The following MSH5 variants were observed in gnomAD, a reference collection of about 807,000 sequenced individuals.
The protein encoded by MSH5 is mutS protein homolog 5.
In MSH5, 78 loss-of-function variants were observed where a neutral mutation model predicts 107.7. The observed-to-expected ratio is 0.72, with a 90% CI of 0.60 to 0.87. MSH5 has a LOEUF of 0.87. Ranked by LOEUF, MSH5 falls within the 40% of genes least tolerant of loss-of-function variation. The pLI, the probability that MSH5 is intolerant of heterozygous loss-of-function variation, is 0.00. For synonymous variants in MSH5, 326 were observed against 399.5 expected (o/e 0.82, Z 2.19); for missense variants, 889 against 1,046.6 (o/e 0.85, Z 2.08).
Position 31,740,921 on chromosome 6 carries a change from A to G in MSH5, c.148-242A>G, listed in dbSNP as rs1407355882. 6.6e-6 allele frequency among the ~76,000 whole-genome samples: 1 copy of G among 151,988 alleles called. No homozygotes were observed. The highest frequency in any genetic ancestry group is 1.5e-5 in the Non-Finnish European group (1 of 67,972). On this transcript the variant is annotated intron_variant, in intron 2 of 24. Transcript: ENST00000375750. This position sits in a 1 kb window ranked among gnomAD's most constrained non-coding sequence, Gnocchi z 4.4. ...GGTTGCAATGAGCTGAGATTGCTCC[A>G]CTGCACTTCAGCCTGGGCGACAGAG...
chr6:31,746,100 G>GTGTGTGTA (rs1554205323), intron 9 of MSH5: 1 of 148,994 alleles, frequency 6.7e-6, no homozygotes, highest in Non-Finnish European at 1.5e-5. Flanking sequence ...GTGTGTGTGT[G>GTGTGTGTA]TGTGTGTGTG....
intron 10 of MSH5, 152 bp from the exon 11 acceptor site, chr6:31,753,147 TGG>T: frequency 2.3e-6 from 2 of 879,182 alleles, no homozygotes; most frequent in South Asian, 3.6e-5. Flanking sequence ...CACACCTGAA[TGG>T]GTAGGACACT....
intron 12 of MSH5, 125 bp downstream of exon 12, chr6:31,753,754 A>C: frequency 1.1e-6 from 1 of 889,062 alleles, no homozygotes; most frequent in Non-Finnish European, 1.8e-6. Context: ...TTTTGGAGAC[A>C]GCCTCGCTCT....
chr6:31,749,497 G>T (rs1809764980), intron 10 of MSH5, among the ~76,000 whole-genome samples: 1 of 151,574 alleles, frequency 6.6e-6, no homozygotes, highest in Non-Finnish European at 1.5e-5. Context: ...AGCCCAGATT[G>T]CCCCACTGCA....
chr6:31,753,914 C>G (rs1299086488), intron 12 of MSH5: 1 of 343,328 alleles, frequency 2.9e-6, no homozygotes, highest in Admixed American at 3.7e-5. Context: ...TTAGTAGAGA[C>G]AGGATTTCAC....
At position 31,758,441 on chromosome 6, in the gene MSH5, G is replaced by C; in HGVS notation, c.1144-107G>C. On this transcript the variant is annotated intron_variant, in intron 13 of 24. Transcript: ENST00000375750. The surrounding 1 kb of genome is among the most constrained non-coding windows in gnomAD (Gnocchi z 5.1). ...GCAGCAGAACTTCAGGGAAGTATCT[G>C]GAGGGTGAGAGTTAAAGGAGGACTG... 1 of 1,553,460 alleles carries C rather than the reference G, an allele frequency of 6.4e-7. No individual in the cohort carries two copies. The highest frequency in any genetic ancestry group is 1.1e-5 in the South Asian group (1 of 88,736).
chr6:31,760,743 G>C lies in MSH5; in HGVS notation c.1866G>C (p.Glu622Asp), dbSNP rs775371109. 2 of 1,612,950 alleles carry C rather than the reference G, an allele frequency of 1.2e-6. No individual in the cohort carries two copies. The highest frequency in any genetic ancestry group is 1.7e-6 in the Non-Finnish European group (2 of 1,180,060). ...TAGGCAGCTTTGTGCCAGCAGAGGA[G>C]GCCGAAATTGGGGCAGTAGACGCCA... ...ALVGSFVPAEEAEIGAVDAIF... is the reference protein window; with the variant it reads ...ALVGSFVPAEDAEIGAVDAIF... Residue 622 changes from glutamate (E) to aspartate (D), a missense_variant, in exon 20 of 25, where the codon GAG (glutamate) becomes GAC (aspartate). By Grantham distance (45) the Glu-to-Asp change is conservative. This residue lies in a region of MSH5 where 362 missense variants were observed against 456.2 expected (regional missense o/e 0.79). Coordinates refer to ENST00000375750, the MANE Select transcript of MSH5 (RefSeq NM_172166.4). This position sits in a 1 kb window ranked among gnomAD's most constrained non-coding sequence, Gnocchi z 5.6.
At position 31,760,442 on chromosome 6, in the gene MSH5, C is replaced by T. The variant is rs908091480; in HGVS notation, c.1812+226C>T. On this transcript the variant is annotated intron_variant, in intron 19 of 24. Transcript: ENST00000375750. The surrounding 1 kb of genome is among the most constrained non-coding windows in gnomAD (Gnocchi z 5.6). Reference sequence around the variant, plus strand: ...CCGTGGCCCAAATTCCTTCACCTGCCTCTGAGTAGGTACACACCACTCCCA... The same window carrying T: ...CCGTGGCCCAAATTCCTTCACCTGCTTCTGAGTAGGTACACACCACTCCCA... Among the ~76,000 whole-genome samples, 5 of 152,246 alleles carry T rather than the reference C, an allele frequency of 3.3e-5. No homozygotes were observed. Among genetic ancestry groups the T allele is most frequent in the Non-Finnish European group, 5.9e-5 (4 of 68,046 alleles).
chr6:31,744,474 G>T, intron 7 of MSH5, 72 bp from the exon 8 acceptor site: 1 of 1,579,108 alleles, frequency 6.3e-7, no homozygotes, highest in East Asian at 2.2e-5. Context: ...AATATTCAGA[G>T]AGGGGGACAA....
At chr6:31,755,432 G>C (rs541694409) in intron 12 of MSH5, among the ~76,000 whole-genome samples, 1 of 151,032 alleles carries the variant, frequency 6.6e-6, no homozygotes, top group Non-Finnish European at 1.5e-5. Context: ...GTGTGATCTC[G>C]GCTCACCGCA....
In MSH5 at chr6:31,758,150, G is replaced by A; in HGVS notation, c.1015-15G>A. The A allele has an allele frequency of 6.2e-7, 1 of 1,612,560 alleles. No individual in the cohort carries two copies. Among genetic ancestry groups the A allele is most frequent in the Non-Finnish European group, 8.5e-7 (1 of 1,179,856 alleles). ...CTGGATGTGGCCTGTCCTCCTTTTT[G>A]TGTTTCTCTCACAGACTGTGTACAG... On this transcript the variant is annotated splice_polypyrimidine_tract_variant and intron_variant, in intron 12 of 24. Coordinates refer to ENST00000375750, the MANE Select transcript of MSH5 (RefSeq NM_172166.4). This position sits in a 1 kb window ranked among gnomAD's most constrained non-coding sequence, Gnocchi z 5.1.
In MSH5 at chr6:31,740,487, C is replaced by T; in HGVS notation, c.21C>T (p.Asn7=). The stretch of plus-strand genomic sequence containing the variant: ...AGCTCATGGCCTCCTTAGGAGCGAA[C>T]CCAAGGAGGACACCGCAGGGACCGA... The part of the protein sequence containing the change: MASLGA[N]PRRTPQGPRP... Residue 7 remains asparagine (N), a synonymous_variant, in exon 2 of 25, where the codon AAC becomes AAT. Transcript: ENST00000375750. The surrounding 1 kb of genome is among the most constrained non-coding windows in gnomAD (Gnocchi z 4.4). 6.4e-7 allele frequency: 1 copy of T among 1,568,336 alleles called. No individual in the cohort carries two copies. Among genetic ancestry groups the T allele is most frequent in the Non-Finnish European group, 8.6e-7 (1 of 1,156,220 alleles).
chr6:31,758,442 G>C lies in MSH5; in HGVS notation c.1144-106G>C. ...CAGCAGAACTTCAGGGAAGTATCTG[G>C]AGGGTGAGAGTTAAAGGAGGACTGC... On this transcript the variant is annotated intron_variant, in intron 13 of 24. Coordinates refer to ENST00000375750, the MANE Select transcript of MSH5 (RefSeq NM_172166.4). This position sits in a 1 kb window ranked among gnomAD's most constrained non-coding sequence, Gnocchi z 5.1. The C allele has an allele frequency of 6.4e-7, 1 of 1,553,186 alleles. No individual in the cohort carries two copies. Among genetic ancestry groups the C allele is most frequent in the South Asian group, 1.1e-5 (1 of 88,748 alleles).
In MSH5 at chr6:31,759,119, C is replaced by T. The variant is rs1454707671; in HGVS notation, c.1349C>T (p.Pro450Leu). ...CAGATTGGCTTCCTTCTTTCTATTC[C>T]CCGCCTGCCTTCCATGGTAGAGGCC... Reference protein sequence around the residue: ...IPLIGFLLSIPRLPSMVEASD... With the variant: ...IPLIGFLLSILRLPSMVEASD... Residue 450 changes from proline to leucine, a missense_variant, in exon 16 of 25, where the codon CCC becomes CTC. Around this residue, in one of 3 missense-constraint regions of MSH5, gnomAD observed 518 missense variants for 565.0 expected, o/e 0.92. Transcript: ENST00000375750. This position sits in a 1 kb window ranked among gnomAD's most constrained non-coding sequence, Gnocchi z 4.7. 4 of 1,612,828 alleles carry T rather than the reference C, an allele frequency of 2.5e-6. No individual in the cohort carries two copies. Among genetic ancestry groups the T allele is most frequent in the African/African-American group, 2.7e-5 (2 of 74,890 alleles).
chr6:31,760,340 A>G lies in MSH5; in HGVS notation c.1812+124A>G. ...TTCTGACCCCGCTCTTCATGAAAGGACCATCACCCACATCCCTGTGCTTCC... is the reference window on the plus strand; with the variant it reads ...TTCTGACCCCGCTCTTCATGAAAGGGCCATCACCCACATCCCTGTGCTTCC... On this transcript the variant is annotated intron_variant, in intron 19 of 24. Transcript: ENST00000375750. This position sits in a 1 kb window ranked among gnomAD's most constrained non-coding sequence, Gnocchi z 5.6. 2.4e-6 allele frequency: 3 copies of G among 1,268,468 alleles called. No individual in the cohort carries two copies. Among genetic ancestry groups the G allele is most frequent in the Non-Finnish European group, 3.2e-6 (3 of 926,644 alleles). 78.6% of individuals were successfully genotyped at this position (1,268,468 alleles called of 1,614,324 possible).
rs1170251168 is a variant in MSH5, at chr6:31,740,925, C to T, written c.148-238C>T. On this transcript the variant is annotated intron_variant, in intron 2 of 24. Transcript: ENST00000375750. The surrounding 1 kb of genome is among the most constrained non-coding windows in gnomAD (Gnocchi z 4.4). ...GCAATGAGCTGAGATTGCTCCACTG[C>T]ACTTCAGCCTGGGCGACAGAGCAAG... Among the ~76,000 whole-genome samples, 1 of 151,662 alleles carries T rather than the reference C, an allele frequency of 6.6e-6. No homozygotes were observed. Among genetic ancestry groups the T allele is most frequent in the African/African-American group, 2.4e-5 (1 of 41,258 alleles).
At position 31,759,462 on chromosome 6, in the gene MSH5, G is replaced by T; in HGVS notation, c.1445G>T (p.Arg482Leu). 6.2e-7 allele frequency: 1 copy of T among 1,612,698 alleles called. No individual in the cohort carries two copies. The highest frequency in any genetic ancestry group is 8.5e-7 in the Non-Finnish European group (1 of 1,180,002). ...GAGAAGCTGCACTATCGTAGTGCCC[G>T]AACCAAGGAGCTGGATGCATTGCTG... ...SEEKLHYRSA[R>L]TKELDALLGD... The change falls in exon 17 of 25, where the codon CGA (arginine) becomes CTA (leucine). Residue 482 changes from arginine to leucine, a missense_variant. Around this residue, in one of 3 missense-constraint regions of MSH5, gnomAD observed 362 missense variants for 456.2 expected, o/e 0.79. Coordinates refer to ENST00000375750, the MANE Select transcript of MSH5 (RefSeq NM_172166.4). This position sits in a 1 kb window ranked among gnomAD's most constrained non-coding sequence, Gnocchi z 4.7.
At position 31,759,602 on chromosome 6, in the gene MSH5, C is replaced by A; in HGVS notation, c.1495+90C>A. The A allele has an allele frequency of 7.0e-7, 1 of 1,429,130 alleles. No individual in the cohort carries two copies. The highest frequency in any genetic ancestry group is 1.2e-5 in the South Asian group (1 of 84,654). The allele number at this position is 1,429,130 out of a possible 1,614,324, so 88.5% of individuals were successfully genotyped here. On this transcript the variant is annotated intron_variant, in intron 17 of 24. Coordinates refer to ENST00000375750, the MANE Select transcript of MSH5 (RefSeq NM_172166.4). This position sits in a 1 kb window ranked among gnomAD's most constrained non-coding sequence, Gnocchi z 4.7. ...GAGGGGAGTGGGCAACTTGGGGATG[C>A]TTCCAACAGGCCCCTCCTCTTCCTG...
rs118067393 is a variant in MSH5 at position 31,741,055 on chromosome 6, G to A, written c.148-108G>A. ...TTCACATTCACTAAATGGGGGTGAT[G>A]ATGCCTATCTCAGAGATTTGAGAAA... is the stretch of plus-strand genomic sequence containing the variant. On this transcript the variant is annotated intron_variant, in intron 2 of 24. Coordinates refer to ENST00000375750, the MANE Select transcript of MSH5 (RefSeq NM_172166.4). 2.1e-4 allele frequency: 299 copies of A among 1,396,950 alleles called. 1 individual carries two copies. In the East Asian group the frequency reaches 5.8e-3, roughly 27 times the overall value. 86.5% of individuals were successfully genotyped at this position (1,396,950 alleles called of 1,614,324 possible). A position where few individuals can be genotyped will look rare whatever the true frequency, so the allele number is the denominator to read the frequency against.
Sources: allele counts gnomAD v4.1 joint callset (sites outside exome capture counted in the v4.1 genomes callset), GRCh38; gene constraint gnomAD v4.1.1; regional missense constraint gnomAD v4.1.1; non-coding constraint Gnocchi (gnomAD v3.1); transcripts MANE v1.5; gene names NCBI Gene and HGNC (gene_info 2026-07-23, HGNC 2026-07-21).